ITSN1: variants seen among roughly 807,000 people sequenced by gnomAD.
ITSN1 encodes intersectin-1.
In ITSN1, 58 loss-of-function variants were observed where a neutral mutation model predicts 239.8. The observed-to-expected ratio is 0.24, with a 90% CI of 0.20 to 0.30. The LOEUF (loss-of-function observed/expected upper bound fraction) is 0.30, where lower values mean the gene tolerates loss of function less well. ITSN1 is among the 10% of genes least tolerant of loss of function. The pLI is 1.00. For synonymous variants in ITSN1, 780 were observed against 770.8 expected, an observed-to-expected ratio of 1.01 and a Z score of -0.20; for missense variants, 1,558 against 2,103.3, an observed-to-expected ratio of 0.74 and a Z score of 5.07.
Position 33,889,819 on chromosome 21 carries a change from G to T in ITSN1, c.*1519G>T, listed in dbSNP as rs959092547. ...GTACCTCCTTTGCTGGGAACTGAAT[G>T]TGTAGTGTTATCATTTCCCATGAGA... On this transcript the variant is annotated 3_prime_UTR_variant, in exon 40 of 40. Coordinates refer to ENST00000381318, the MANE Select transcript of ITSN1 (RefSeq NM_003024.3). 4 of 152,156 alleles carry T rather than the reference G, an allele frequency of 2.6e-5. No individual in the cohort carries two copies. Among genetic ancestry groups the T allele is most frequent in the Non-Finnish European group, 5.9e-5 (4 of 68,032 alleles). The allele number at this position is 152,156 out of a possible 1,614,324, so 9.4% of individuals were successfully genotyped here. A position where few individuals can be genotyped will look rare whatever the true frequency, so the allele number is the denominator to read the frequency against.
intron 29 of ITSN1, chr21:33,837,557 A>G (rs1569284594): frequency 1.0e-6 from 1 of 985,866 alleles, no homozygotes; most frequent in Non-Finnish European, 1.2e-6. Flanking sequence ...AGAGGAGTTC[A>G]GTATCTCTGT....
At chr21:33,684,553 T>A (rs547914767) in intron 1 of ITSN1, among the ~76,000 whole-genome samples, 1 of 152,246 alleles carries the variant, frequency 6.6e-6, no homozygotes, top group Non-Finnish European at 1.5e-5. Context: ...TTAAAACCTG[T>A]ATTTGGGGGT....
At chr21:33,774,705 A>C in intron 12 of ITSN1, 24 bp from the exon 13 acceptor site, 1 of 1,601,850 alleles carries the variant, frequency 6.2e-7, no homozygotes, top group Non-Finnish European at 8.5e-7. Flanking sequence ...AAAAATTAGT[A>C]ATTTGTCTCT....
chr21:33,668,774 A>C (rs1274003587), intron 1 of ITSN1, among the ~76,000 whole-genome samples: 1 of 152,226 alleles, frequency 6.6e-6, no homozygotes, highest in Non-Finnish European at 1.5e-5. Flanking sequence ...CCAGTGGAAC[A>C]GTGCAAGCTC....
chr21:33,730,661 A>G (rs556146934), intron 4 of ITSN1, among the ~76,000 whole-genome samples: 1 of 150,512 alleles, frequency 6.6e-6, no homozygotes, highest in African/African-American at 2.4e-5. Flanking sequence ...CGGCCTCCCA[A>G]AGTGCTGGGA....
intron 33 of ITSN1, 131 bp from the exon 34 acceptor site, chr21:33,875,222 CG>C (rs1983527458): frequency 1.1e-6 from 1 of 893,064 alleles, no homozygotes; most frequent in Admixed American, 2.1e-5. Context: ...CTCAGAGCTG[CG>C]ATTGCTCAAG....
At chr21:33,811,946 C>A (rs1434294637) in intron 21 of ITSN1, among the ~76,000 whole-genome samples, 1 of 151,820 alleles carries the variant, frequency 6.6e-6, no homozygotes, top group Non-Finnish European at 1.5e-5. Flanking sequence ...AATCATCTTT[C>A]AGAAGAAACA....
intron 1 of ITSN1, among the ~76,000 whole-genome samples, chr21:33,671,288 T>A (rs1173839222): frequency 6.6e-6 from 1 of 151,720 alleles, no homozygotes; most frequent in East Asian, 1.9e-4. Flanking sequence ...TCTTGTTTTT[T>A]GTTTGTTTGT....
chr21:33,717,160 TA>T (rs1360926783), intron 1 of ITSN1, among the ~76,000 whole-genome samples: 1 of 152,142 alleles, frequency 6.6e-6, no homozygotes, highest in Non-Finnish European at 1.5e-5. Context: ...TTTAAGATTT[TA>T]AATCTGTGAG....
chr21:33,829,430 C>T (rs2074162699), intron 26 of ITSN1, 194 bp from the exon 27 acceptor site: 4 of 613,288 alleles, frequency 6.5e-6, no homozygotes, highest in Admixed American at 2.6e-5. Flanking sequence ...ATCAGCCAGG[C>T]CCTTGAATGC....
At position 33,689,971 on chromosome 21, in the gene ITSN1, AAAAAAAAAAAAT is replaced by A. The variant is rs1172858863; in HGVS notation, c.-32-28823_-32-28812del. Reference sequence around the variant, plus strand: ...CGACAGACCAAGACTCTGTCTCAAAAAAAAAAAAAAATAATTAAAAAAAAAAATAAGGCCGGG... The same window carrying A: ...CGACAGACCAAGACTCTGTCTCAAAAAATTAAAAAAAAAAATAAGGCCGGG... On this transcript the variant is annotated intron_variant, in intron 1 of 39. Coordinates refer to ENST00000381318, the MANE Select transcript of ITSN1 (RefSeq NM_003024.3). Among the ~76,000 whole-genome samples the A allele has an allele frequency of 2.2e-3, 331 of 151,270 alleles. 2 individuals carry two copies. Among genetic ancestry groups the A allele is most frequent in the African/African-American group, 7.8e-3 (322 of 41,194 alleles).
At chr21:33,779,949 A>G (rs1331638828) in intron 14 of ITSN1, among the ~76,000 whole-genome samples, 1 of 152,046 alleles carries the variant, frequency 6.6e-6, no homozygotes, top group Non-Finnish European at 1.5e-5. Flanking sequence ...CTCCTGCCTC[A>G]GCCTCCCCGG....
At chr21:33,883,156 CT>C (rs755216636) in intron 35 of ITSN1, among the ~76,000 whole-genome samples, 1 of 152,192 alleles carries the variant, frequency 6.6e-6, no homozygotes, top group Non-Finnish European at 1.5e-5. Flanking sequence ...TGGATGAAAA[CT>C]GCTGTTTAGA....
At position 33,771,948 on chromosome 21, in the gene ITSN1, A is replaced by G. The variant is rs1043966069; in HGVS notation, c.1043-113A>G. 3 of 1,130,726 alleles carry G rather than the reference A, an allele frequency of 2.7e-6. No individual in the cohort carries two copies. The African/African-American group carries it at 4.7e-5, about 18-fold the overall frequency. 70.0% of individuals were successfully genotyped at this position (1,130,726 alleles called of 1,614,324 possible). A position where few individuals can be genotyped will look rare whatever the true frequency, so the allele number is the denominator to read the frequency against. ...TTAACAAGGACACAGAAGCTTAGGG[A>G]GTTCTGGGTTTGGGTTTGTACTACA... On this transcript the variant is annotated intron_variant, in intron 11 of 39. Coordinates refer to ENST00000381318, the MANE Select transcript of ITSN1 (RefSeq NM_003024.3).
intron 1 of ITSN1, among the ~76,000 whole-genome samples, chr21:33,652,604 C>T (rs925859654): frequency 1.3e-5 from 2 of 152,152 alleles, no homozygotes; most frequent in Admixed American, 1.3e-4. Context: ...CAGCATACCG[C>T]TCTCAGATGC....
chr21:33,840,049 G>C (rs2074770589), intron 29 of ITSN1, among the ~76,000 whole-genome samples: 1 of 152,208 alleles, frequency 6.6e-6, no homozygotes, highest in African/African-American at 2.4e-5. Flanking sequence ...GGCTGCCCCG[G>C]TAACTCCTGT....
intron 14 of ITSN1, among the ~76,000 whole-genome samples, chr21:33,775,646 A>AG (rs2069543507): frequency 6.6e-6 from 1 of 152,184 alleles, no homozygotes; most frequent in Admixed American, 6.5e-5. Context: ...CTGAGGTCGT[A>AG]GCAGGACTCT....
At chr21:33,834,825 G>A (rs945906650) in intron 28 of ITSN1, among the ~76,000 whole-genome samples, 28 of 152,266 alleles carry the variant, frequency 1.8e-4, no homozygotes, top group Non-Finnish European at 4.1e-4. Context: ...GGGGGCCACG[G>A]GGGTTGGGGG....
rs2071382171 is a variant in ITSN1, at chr21:33,794,472, A to T, written c.1952+4A>T. ...AACAAAAAGAAGAAGCCCAAAGGTG[A>T]GTCTTCTTTGGATTGTGGACTCATC... On this transcript the variant is annotated splice_donor_region_variant and intron_variant, in intron 17 of 39. Transcript: ENST00000381318. 6.2e-7 allele frequency: 1 copy of T among 1,609,248 alleles called. No individual in the cohort carries two copies. The highest frequency in any genetic ancestry group is 1.1e-5 in the South Asian group (1 of 90,026).
Sources: allele counts gnomAD v4.1 joint callset (sites outside exome capture counted in the v4.1 genomes callset), GRCh38; gene constraint gnomAD v4.1.1; transcripts MANE v1.5; gene names NCBI Gene and HGNC (gene_info 2026-07-23, HGNC 2026-07-21).